The following PIGB variants were observed in gnomAD, a reference collection of about 807,000 sequenced individuals.
PIGB encodes GPI alpha-1,2-mannosyltransferase 3.
A neutral mutation model predicts 68.4 loss-of-function variants in PIGB; 58 were observed. The observed-to-expected ratio is 0.85, with a 90% CI of 0.69 to 1.06. The LOEUF (loss-of-function observed/expected upper bound fraction) is 1.06, where lower values mean the gene tolerates loss of function less well. Among genes scored for constraint, PIGB ranks in the 50% least tolerant of loss-of-function variants. PIGB has a pLI of 0.00. For synonymous variants in PIGB, 219 were observed against 220.5 expected, an observed-to-expected ratio of 0.99 and a Z score of 0.06; for missense variants, 634 against 655.8, an observed-to-expected ratio of 0.97 and a Z score of 0.36.
Position 55,341,087 on chromosome 15 carries a change from C to T in PIGB, c.1058+264C>T, listed in dbSNP as rs112259339. On this transcript the variant is annotated intron_variant, in intron 8 of 11. Coordinates refer to ENST00000164305, the MANE Select transcript of PIGB (RefSeq NM_004855.5). ...TTAAAAAAAAAAAAAACAGACCAGG[C>T]ACAGTTGCTCATGCCTGTAATTTCA... Among the ~76,000 whole-genome samples the T allele has an allele frequency of 4.9e-3, 736 of 151,236 alleles. 9 individuals carry two copies. Among genetic ancestry groups the T allele is most frequent in the African/African-American group, 0.017 (703 of 41,256 alleles).
At chr15:55,345,957 ATCTC>A (rs2055784391) in intron 9 of PIGB, among the ~76,000 whole-genome samples, 1 of 152,236 alleles carries the variant, frequency 6.6e-6, no homozygotes, top group African/African-American at 2.4e-5. Flanking sequence ...TAACTCAGAT[ATCTC>A]TCTAATTGGT....
At chr15:55,347,291 C>T (rs1401936486) in intron 9 of PIGB, among the ~76,000 whole-genome samples, 5 of 152,008 alleles carry the variant, frequency 3.3e-5, no homozygotes, top group Non-Finnish European at 5.9e-5. Flanking sequence ...CCGGGCATGG[C>T]GGCAGGCACC....
intron 6 of PIGB, among the ~76,000 whole-genome samples, chr15:55,334,938 CA>C (rs2055500921): frequency 6.6e-6 from 1 of 152,182 alleles, no homozygotes; most frequent in South Asian, 2.1e-4. Context: ...CAGCTAGTCT[CA>C]AACTCCTGAC....
intron 5 of PIGB, among the ~76,000 whole-genome samples, chr15:55,331,423 G>C (rs964633950): frequency 1.3e-5 from 2 of 152,030 alleles, no homozygotes; most frequent in African/African-American, 4.8e-5. Context: ...TTTAAAAAAT[G>C]CAACTATTGG....
intron 9 of PIGB, chr15:55,346,549 G>A (rs1566957931): frequency 6.6e-6 from 1 of 152,160 alleles, no homozygotes; most frequent in Non-Finnish European, 1.5e-5. Flanking sequence ...TAAGTATTTA[G>A]GGGTGATGTT....
intron 9 of PIGB, among the ~76,000 whole-genome samples, chr15:55,345,196 T>G (rs2055764803): frequency 6.6e-6 from 1 of 151,996 alleles, no homozygotes; most frequent in South Asian, 2.1e-4. Context: ...GGCCCCATAT[T>G]CTAATCTTTT....
chr15:55,329,916 C>A, intron 5 of PIGB, 62 bp downstream of exon 5: 1 of 1,266,528 alleles, frequency 7.9e-7, no homozygotes, highest in Non-Finnish European at 1.1e-6. Context: ...TCTTAAATAT[C>A]AACATATTGT....
Position 55,354,882 on chromosome 15 carries a change from T to A in PIGB, c.1422T>A (p.Asp474Glu). 6.2e-7 allele frequency: 1 copy of A among 1,613,734 alleles called. No homozygotes were observed. Among genetic ancestry groups the A allele is most frequent in the Non-Finnish European group, 8.5e-7 (1 of 1,179,722 alleles). ...TGKSHYLDEA[D>E]VFYLNPLNWL... ...AAAGTCATTATCTTGATGAAGCAGATGTATTTTACCTAAATCCCTTAAACT... is the reference window on the plus strand; with the variant it reads ...AAAGTCATTATCTTGATGAAGCAGAAGTATTTTACCTAAATCCCTTAAACT... The change falls in exon 11 of 12, where the codon GAT becomes GAA. Residue 474 changes from aspartate (D) to glutamate (E), a missense_variant. Asp to Glu is a conservative substitution (Grantham distance 45). Transcript: ENST00000164305.
chr15:55,351,389 G>A (rs1311442919), intron 10 of PIGB, among the ~76,000 whole-genome samples: 1 of 151,894 alleles, frequency 6.6e-6, no homozygotes, highest in African/African-American at 2.4e-5. Context: ...TTACAGGTGT[G>A]AGCCACCGTG....
intron 3 of PIGB, among the ~76,000 whole-genome samples, chr15:55,323,682 T>C (rs1198916831): frequency 6.6e-6 from 1 of 152,208 alleles, no homozygotes; most frequent in Admixed American, 6.5e-5. Flanking sequence ...GCCTTAGATA[T>C]ATTGGGTTAG....
At chr15:55,340,409 T>C in intron 7 of PIGB, 1 of 281,106 alleles carries the variant, frequency 3.6e-6, no homozygotes, top group Non-Finnish European at 6.4e-6. Flanking sequence ...TGAGCCGAGA[T>C]CGCGCCACTG....
chr15:55,351,259 C>A lies in PIGB; in HGVS notation c.1337+347C>A, dbSNP rs568415749. Among the ~76,000 whole-genome samples the A allele has an allele frequency of 1.4e-3, 215 of 151,848 alleles. 1 individual carries two copies. The highest frequency in any genetic ancestry group is 4.8e-3 in the African/African-American group (200 of 41,428). On this transcript the variant is annotated intron_variant, in intron 10 of 11. Transcript: ENST00000164305. Reference sequence around the variant, plus strand: ...AGTAGCTGGGACCACAGGTGCCTGCCACCATGCCCGGCTAATTTTTTCTAT... The same window carrying A: ...AGTAGCTGGGACCACAGGTGCCTGCAACCATGCCCGGCTAATTTTTTCTAT...
chr15:55,326,183 C>T (rs58145841), intron 3 of PIGB, among the ~76,000 whole-genome samples: 5,628 of 144,822 alleles, frequency 0.039, 98 homozygotes, highest in Non-Finnish European at 0.041. Context: ...GGCAACAGAG[C>T]GAGACTCTGT....
intron 6 of PIGB, among the ~76,000 whole-genome samples, chr15:55,338,782 T>C (rs77433013): frequency 0.032 from 4,909 of 152,300 alleles, 85 homozygotes; most frequent in Non-Finnish European, 0.041. Context: ...GAAACGGCCA[T>C]ATGTTGAGGA....
intron 3 of PIGB, among the ~76,000 whole-genome samples, chr15:55,322,214 G>T (rs1373802122): frequency 2.0e-5 from 3 of 151,976 alleles, no homozygotes; most frequent in Non-Finnish European, 2.9e-5. Flanking sequence ...GAGCACCGTT[G>T]TATTTTGTGT....
chr15:55,355,094 ATAAT>A, intron 11 of PIGB, 116 bp downstream of exon 11: 1 of 968,940 alleles, frequency 1.0e-6, no homozygotes, highest in Non-Finnish European at 1.5e-6. Flanking sequence ...CCCACATTTC[ATAAT>A]TAGTCTTTTC....
In PIGB at chr15:55,340,765, G is replaced by A; in HGVS notation, c.1000G>A (p.Ala334Thr). The change falls in exon 8 of 12, where the codon GCA becomes ACA. Residue 334 changes from alanine (A) to threonine (T), a missense_variant. Transcript: ENST00000164305. ...CTTCTTTATTCATGGCTGCTATCTA[G>A]CACCAAAGAGATACCGGATACTTTT... ...LPFFIHGCYL[A>T]PKRYRILLVT... 7 of 1,611,044 alleles carry A rather than the reference G, an allele frequency of 4.3e-6. No individual in the cohort carries two copies. The highest frequency in any genetic ancestry group is 5.9e-6 in the Non-Finnish European group (7 of 1,178,418).
At chr15:55,343,719 CCT>C (rs1292744500) in intron 9 of PIGB, 2 of 152,210 alleles carry the variant, frequency 1.3e-5, no homozygotes, top group Non-Finnish European at 2.9e-5. Context: ...CTTCTTCCAT[CCT>C]CTGTCTACTT....
In PIGB at chr15:55,319,272, T is replaced by C; in HGVS notation, c.22T>C (p.Cys8Arg). The C allele has an allele frequency of 6.2e-7, 1 of 1,607,418 alleles. No individual in the cohort carries two copies. Among genetic ancestry groups the C allele is most frequent in the Non-Finnish European group, 8.5e-7 (1 of 1,177,476 alleles). The part of the protein sequence containing the change: MRRPLSK[C>R]GMEPGGGDAS... ...AGGGATGAGGAGGCCCCTAAGCAAG[T>C]GCGGAATGGAGCCGGGGGGCGGAGA... Residue 8 changes from cysteine (C) to arginine (R), a missense_variant, in exon 1 of 12, where the codon TGC becomes CGC. By Grantham distance (180) the Cys-to-Arg change is radical. Coordinates refer to ENST00000164305, the MANE Select transcript of PIGB (RefSeq NM_004855.5).
Sources: gnomAD v4.1 joint callset for allele counts (sites outside exome capture counted in the v4.1 genomes callset) on GRCh38, gnomAD v4.1.1 for gene constraint, MANE v1.5 for transcripts, NCBI Gene and HGNC (gene_info 2026-07-23, HGNC 2026-07-21) for gene names.